The following TPO variants were observed in gnomAD, a reference collection of about 807,000 sequenced individuals.
TPO encodes thyroid microsomal antigen.
In TPO, 78 loss-of-function variants were observed where a neutral mutation model predicts 96.9. The observed-to-expected ratio is 0.81, with a 90% CI of 0.67 to 0.97. The LOEUF is 0.97. Among genes scored for constraint, TPO ranks in the 50% least tolerant of loss-of-function variants. TPO has a pLI of 0.00. For missense variants in TPO, 1,252 were observed against 1,274.8 expected (o/e 0.98, Z 0.27); for synonymous variants, 547 against 538.0 (o/e 1.02, Z -0.23).
chr2:1,440,511 C>T (rs1023890381), intron 5 of TPO, among the ~76,000 whole-genome samples: 11 of 152,176 alleles, frequency 7.2e-5, no homozygotes, highest in Admixed American at 2.0e-4. Context: ...ATGGTGTAGT[C>T]GGTGCCGCAG....
intron 14 of TPO, among the ~76,000 whole-genome samples, chr2:1,509,910 G>C: frequency 6.6e-6 from 1 of 150,410 alleles, no homozygotes; most frequent in African/African-American, 2.5e-5. Flanking sequence ...CTTGTTTCAG[G>C]GACACCCCAC....
At chr2:1,462,517 A>AACACACACACACACACACACAC (rs35553172) in intron 7 of TPO, among the ~76,000 whole-genome samples, 11 of 131,584 alleles carry the variant, frequency 8.4e-5, no homozygotes, top group African/African-American at 3.3e-4. Flanking sequence ...TGTGTAGGTA[A>AACACACACACACACACACACAC]ACACACACAC....
At chr2:1,437,359 G>T (rs1158704116) in intron 5 of TPO, among the ~76,000 whole-genome samples, 1 of 152,174 alleles carries the variant, frequency 6.6e-6, no homozygotes, top group Non-Finnish European at 1.5e-5. Flanking sequence ...GTTCACCGAT[G>T]CAGGCAGCAA....
At chr2:1,414,291 G>T in intron 1 of TPO, 117 bp from the exon 2 acceptor site, 1 of 989,058 alleles carries the variant, frequency 1.0e-6, no homozygotes, top group Non-Finnish European at 1.6e-6. Flanking sequence ...GCTCACTGCG[G>T]TAGAGGCTGC....
At chr2:1,392,930 T>C (rs1290465041) in intron 1 of TPO, among the ~76,000 whole-genome samples, 1 of 152,198 alleles carries the variant, frequency 6.6e-6, no homozygotes. Context: ...AAATGAAATA[T>C]GTGTAATGTT....
intron 1 of TPO, among the ~76,000 whole-genome samples, chr2:1,404,442 C>A (rs1283483891): frequency 6.6e-6 from 1 of 152,164 alleles, no homozygotes; most frequent in Non-Finnish European, 1.5e-5. Flanking sequence ...GGCTGACCCC[C>A]AGCATTTCAG....
chr2:1,388,132 C>G (rs1354394518), intron 1 of TPO, among the ~76,000 whole-genome samples: 1 of 152,244 alleles, frequency 6.6e-6, no homozygotes, highest in African/African-American at 2.4e-5. Flanking sequence ...TCGGGGGTGC[C>G]TCCCAGTTAG....
intron 9 of TPO, among the ~76,000 whole-genome samples, chr2:1,487,215 T>C (rs1671251212): frequency 9.0e-6 from 1 of 110,564 alleles, no homozygotes; most frequent in Non-Finnish European, 1.8e-5. Flanking sequence ...CTTCTTTTTT[T>C]TGTAATCTTT....
rs568662840 is a variant in TPO at position 1,507,217 on chromosome 2, G to A, written c.2518+3138G>A. On this transcript the variant is annotated intron_variant, in intron 14 of 16. Coordinates refer to ENST00000329066, the MANE Select transcript of TPO (RefSeq NM_001206744.2). ...GTAGATATGTGGCATTATTACTGAGGGCTCTGTTCTGTTCCATTGGTCTAT... is the reference window on the plus strand; with the variant it reads ...GTAGATATGTGGCATTATTACTGAGAGCTCTGTTCTGTTCCATTGGTCTAT... 6.6e-5 allele frequency among the ~76,000 whole-genome samples: 10 copies of A among 152,120 alleles called. No homozygotes were observed. The East Asian group carries it at 1.7e-3, about 27-fold the overall frequency.
At chr2:1,429,543 G>C (rs75075762) in intron 3 of TPO, among the ~76,000 whole-genome samples, 4,663 of 152,290 alleles carry the variant, frequency 0.031, 182 homozygotes, top group East Asian at 0.12. Flanking sequence ...GAGAAGAAGA[G>C]AGAAAGACAA....
At chr2:1,400,241 C>A (rs1487019522) in intron 1 of TPO, among the ~76,000 whole-genome samples, 1 of 152,054 alleles carries the variant, frequency 6.6e-6, no homozygotes, top group South Asian at 2.1e-4. Context: ...GGCTGTAATC[C>A]CAGCACTTTG....
chr2:1,414,332 G>T (rs1310546066), intron 1 of TPO, 76 bp from the exon 2 acceptor site: 1 of 1,400,700 alleles, frequency 7.1e-7, no homozygotes, highest in African/African-American at 1.4e-5. Context: ...CCCTCAGCAG[G>T]GAGACAAGGA....
At chr2:1,394,162 C>T (rs1199879825) in intron 1 of TPO, among the ~76,000 whole-genome samples, 4 of 152,114 alleles carry the variant, frequency 2.6e-5, no homozygotes, top group African/African-American at 7.2e-5. Flanking sequence ...GCATTTAGCA[C>T]GATATGGAGT....
chr2:1,448,427 ACT>A (rs544852560), intron 5 of TPO, among the ~76,000 whole-genome samples: 6 of 150,680 alleles, frequency 4.0e-5, no homozygotes, highest in Admixed American at 2.0e-4. Flanking sequence ...CACTTCCGTG[ACT>A]CTCTTCATCC....
In TPO at chr2:1,446,052, C is replaced by T. The variant is rs114967956; in HGVS notation, c.483-7642C>T. The stretch of plus-strand genomic sequence containing the variant: ...CTATTAAATTGGGGTACGACTTATG[C>T]AGGGCTTGGGGGTGAATCTGGAGGG... On this transcript the variant is annotated intron_variant, in intron 5 of 16. Transcript: ENST00000329066. Among the ~76,000 whole-genome samples, 1,112 of 152,264 alleles carry T rather than the reference C, an allele frequency of 7.3e-3. 10 individuals are homozygous for T. Among genetic ancestry groups the T allele is most frequent in the African/African-American group, 0.025 (1,059 of 41,540 alleles).
intron 7 of TPO, among the ~76,000 whole-genome samples, chr2:1,473,371 T>G (rs1311952801): frequency 6.6e-6 from 1 of 152,212 alleles, no homozygotes; most frequent in Admixed American, 6.5e-5. Flanking sequence ...GGGGTCTGGT[T>G]CTGGGCTCTC....
At chr2:1,414,889 G>A (rs909181540) in intron 2 of TPO, among the ~76,000 whole-genome samples, 1 of 152,226 alleles carries the variant, frequency 6.6e-6, no homozygotes, top group Non-Finnish European at 1.5e-5. Flanking sequence ...CTACTGAGAT[G>A]CAGTGGTTAA....
intron 14 of TPO, among the ~76,000 whole-genome samples, chr2:1,516,186 C>G (rs1338416175): frequency 1.3e-5 from 2 of 152,180 alleles, no homozygotes; most frequent in African/African-American, 4.8e-5. Flanking sequence ...GGCCCCTCAC[C>G]AGATGCTCTG....
intron 5 of TPO, among the ~76,000 whole-genome samples, chr2:1,437,486 C>A (rs888455646): frequency 5.3e-5 from 8 of 151,994 alleles, no homozygotes; most frequent in Admixed American, 3.3e-4. Context: ...CCAGGCAGAG[C>A]CCTGGCTTGG....
Sources: gnomAD v4.1 joint callset for allele counts (sites outside exome capture counted in the v4.1 genomes callset) on GRCh38, gnomAD v4.1.1 for gene constraint, MANE v1.5 for transcripts, NCBI Gene and HGNC (gene_info 2026-07-23, HGNC 2026-07-21) for gene names.